The following GPHN variants were observed in gnomAD, a reference collection of about 807,000 sequenced individuals.
GPHN encodes the protein gephyrin.
GPHN carries 17 observed loss-of-function variants against 95.5 expected under a neutral mutation model. The ratio of observed to expected loss-of-function variants is 0.18; its 90% CI spans 0.12 to 0.27. The LOEUF (loss-of-function observed/expected upper bound fraction) is 0.27. Ranked by LOEUF, GPHN falls within the 10% of genes least tolerant of loss-of-function variation. The pLI, the probability that GPHN is intolerant of heterozygous loss-of-function variation, is 1.00. For synonymous variants in GPHN, 320 were observed against 322.5 expected (o/e 0.99, Z 0.08); for missense variants, 660 against 978.1 (o/e 0.67, Z 4.34).
chr14:66,557,251 A>AGAT (rs937135841), intron 1 of GPHN, among the ~76,000 whole-genome samples: 5 of 149,828 alleles, frequency 3.3e-5, no homozygotes, highest in Admixed American at 6.6e-5. Flanking sequence ...ATAGATAGAT[A>AGAT]GATAGATAGA....
chr14:67,276,960 A>T, the GPHN span, among the ~76,000 whole-genome samples: 1 of 152,220 alleles, frequency 6.6e-6, no homozygotes, highest in Non-Finnish European at 1.5e-5. Context: ...ATCATTTAAT[A>T]TTAAATTTGA....
chr14:67,255,143 A>G, the GPHN span, among the ~76,000 whole-genome samples: 6 of 151,988 alleles, frequency 3.9e-5, no homozygotes, highest in African/African-American at 1.2e-4. Flanking sequence ...GCGAGACTCC[A>G]TCTCTCAAAA....
intron 10 of GPHN, among the ~76,000 whole-genome samples, chr14:67,029,087 T>A (rs2074060919): frequency 6.6e-6 from 1 of 152,206 alleles, no homozygotes; most frequent in South Asian, 2.1e-4. Flanking sequence ...CATATGGCTA[T>A]CCAGTTTTCC....
At chr14:67,285,366 ATT>A in the GPHN span, among the ~76,000 whole-genome samples, 11 of 137,790 alleles carry the variant, frequency 8.0e-5, no homozygotes, top group Non-Finnish European at 6.3e-5. Context: ...CCTTAGGTAA[ATT>A]TTTTTTTTTT....
chr14:67,174,738 A>G (rs1223390407), intron 21 of GPHN, among the ~76,000 whole-genome samples: 2 of 152,140 alleles, frequency 1.3e-5, no homozygotes, highest in Non-Finnish European at 2.9e-5. Context: ...CCTCTCCAGC[A>G]TCTGTTGTTT....
the GPHN span, among the ~76,000 whole-genome samples, chr14:67,567,509 C>T: frequency 2.0e-5 from 3 of 151,792 alleles, no homozygotes; most frequent in Non-Finnish European, 2.9e-5. Context: ...CTTTTTATGC[C>T]GAATTTTACT....
At chr14:66,657,374 G>A (rs1251716392) in intron 1 of GPHN, among the ~76,000 whole-genome samples, 1 of 152,194 alleles carries the variant, frequency 6.6e-6, no homozygotes, top group African/African-American at 2.4e-5. Context: ...AAAAGTTGCA[G>A]CAAGTCATCC....
the GPHN span, chr14:67,473,752 G>A: frequency 1.2e-6 from 2 of 1,613,604 alleles, no homozygotes; most frequent in Non-Finnish European, 1.7e-6. The surrounding 1 kb of genome is among the most constrained non-coding windows in gnomAD (Gnocchi z 6.5). Flanking sequence ...TCCACGATGA[G>A]GATGGAGGTG....
chr14:66,660,662 G>C (rs2065590336), intron 1 of GPHN, among the ~76,000 whole-genome samples: 1 of 152,144 alleles, frequency 6.6e-6, no homozygotes, highest in African/African-American at 2.4e-5. Flanking sequence ...ACTAAAAGCA[G>C]CTATGGTGTG....
At chr14:67,468,906 TAA>T in the GPHN span, among the ~76,000 whole-genome samples, 1 of 151,150 alleles carries the variant, frequency 6.6e-6, no homozygotes, top group African/African-American at 2.4e-5. Context: ...AAAATAATAA[TAA>T]TAATTTTTTT....
intron 1 of GPHN, among the ~76,000 whole-genome samples, chr14:66,648,442 A>G (rs1253463015): frequency 6.6e-6 from 1 of 152,178 alleles, no homozygotes; most frequent in Non-Finnish European, 1.5e-5. Context: ...GCATATTTCA[A>G]TCAGTGGTGG....
intron 8 of GPHN, among the ~76,000 whole-genome samples, chr14:66,937,648 A>T (rs2067202259): frequency 1.3e-5 from 2 of 152,146 alleles, no homozygotes; most frequent in Non-Finnish European, 2.9e-5. Flanking sequence ...AAAGTGCTGG[A>T]TTACAGGCAT....
the GPHN span, among the ~76,000 whole-genome samples, chr14:67,476,967 A>G: frequency 6.6e-6 from 1 of 152,142 alleles, no homozygotes; most frequent in Non-Finnish European, 1.5e-5. Context: ...CTCTACTAAA[A>G]ATACAAAAAA....
At chr14:67,111,789 A>G in intron 14 of GPHN, 72 bp from the exon 15 acceptor site, 2 of 1,126,006 alleles carry the variant, frequency 1.8e-6, no homozygotes, top group Non-Finnish European at 2.7e-6. Context: ...TCTGATGGTA[A>G]AAGTATCGGA....
chr14:67,181,608 A>G lies in GPHN; in HGVS notation c.*671A>G, dbSNP rs188614830. ...TCCTTAAGTGCTGACAGCCTTTTTA[A>G]CCAATACATTTAAAATTGTACAGAA... On this transcript the variant is annotated 3_prime_UTR_variant, in exon 23 of 23. Transcript: ENST00000478722. 3.0e-5 allele frequency: 12 copies of G among 404,002 alleles called. No homozygotes were observed. The highest frequency in any genetic ancestry group is 1.8e-4 in the Admixed American group (5 of 27,394). The allele number at this position is 404,002 out of a possible 1,614,324, so 25.0% of individuals were successfully genotyped here. A position where few individuals can be genotyped will look rare whatever the true frequency, so the allele number is the denominator to read the frequency against.
chr14:67,161,082 C>A (rs2081948959), intron 19 of GPHN, among the ~76,000 whole-genome samples: 2 of 152,124 alleles, frequency 1.3e-5, no homozygotes, highest in South Asian at 4.1e-4. Flanking sequence ...GCTTTGAACT[C>A]AGGAGTTCCA....
intron 2 of GPHN, among the ~76,000 whole-genome samples, chr14:66,714,243 AT>A (rs776963514): frequency 6.6e-6 from 1 of 151,496 alleles, no homozygotes; most frequent in Non-Finnish European, 1.5e-5. Flanking sequence ...ATTTTATTTT[AT>A]TTTTTTTGCA....
Position 67,033,563 on chromosome 14 carries a change from C to CA in GPHN, c.1006+9899dup, listed in dbSNP as rs376350331. ...TAGGCAACAGAGTGAGACCCTGACT[C>CA]AAAAAAAAAAAGAATGCCAAAAAGA... is the stretch of plus-strand genomic sequence containing the variant. On this transcript the variant is annotated intron_variant, in intron 10 of 22. Coordinates refer to ENST00000478722, the MANE Select transcript of GPHN (RefSeq NM_020806.5). 5.1e-3 allele frequency among the ~76,000 whole-genome samples: 675 copies of CA among 131,286 alleles called. 2 individuals carry two copies. The highest frequency in any genetic ancestry group is 0.02 in the East Asian group (90 of 4,542). 86.1% of individuals were successfully genotyped at this position (131,286 alleles called of 152,430 possible).
At chr14:66,558,072 C>T (rs1404328470) in intron 1 of GPHN, among the ~76,000 whole-genome samples, 1 of 152,048 alleles carries the variant, frequency 6.6e-6, no homozygotes, top group African/African-American at 2.4e-5. Flanking sequence ...AAAACCTTCT[C>T]AATGAAAATA....
Sources: gnomAD v4.1 joint callset for allele counts (sites outside exome capture counted in the v4.1 genomes callset) on GRCh38, gnomAD v4.1.1 for gene constraint, Gnocchi (gnomAD v3.1) non-coding constraint, MANE v1.5 for transcripts, NCBI Gene and HGNC (gene_info 2026-07-23, HGNC 2026-07-21) for gene names.